The following DEK variants were observed in gnomAD, a reference collection of about 807,000 sequenced individuals.
DEK encodes DEK proto-oncogene.
A neutral mutation model predicts 46.8 loss-of-function variants in DEK; 28 were observed. The ratio of observed to expected loss-of-function variants is 0.60; its 90% confidence interval spans 0.44 to 0.82. The LOEUF (loss-of-function observed/expected upper bound fraction) is 0.82. Ranked by LOEUF, DEK falls within the 40% of genes least tolerant of loss-of-function variation. The pLI, the probability that DEK is intolerant of heterozygous loss-of-function variation, is 0.00. For synonymous variants in DEK, 160 were observed against 144.5 expected, an observed-to-expected ratio of 1.11 and a Z score of -0.77; for missense variants, 416 against 430.6, an observed-to-expected ratio of 0.97 and a Z score of 0.30.
intron 6 of DEK, among the ~76,000 whole-genome samples, chr6:18,251,233 A>G (rs1791363153): frequency 2.0e-5 from 3 of 152,176 alleles, no homozygotes; most frequent in African/African-American, 7.2e-5. Flanking sequence ...TATTTTCTGC[A>G]ATAAGCAGAA....
At chr6:18,237,860 CTTTTTTTTTTT>C (rs60332682) in intron 7 of DEK, among the ~76,000 whole-genome samples, 5 of 88,500 alleles carry the variant, frequency 5.6e-5, no homozygotes, top group East Asian at 3.5e-4. Flanking sequence ...CAACTGGAAT[CTTTTTTTTTTT>C]TTTTTTTTTT....
chr6:18,241,437 A>G (rs1790889263), intron 7 of DEK, among the ~76,000 whole-genome samples: 1 of 152,216 alleles, frequency 6.6e-6, no homozygotes, highest in African/African-American at 2.4e-5. Flanking sequence ...CTAGCTTAAC[A>G]ATTACCTCCT....
chr6:18,257,309 C>G (rs1300644171), intron 4 of DEK, among the ~76,000 whole-genome samples: 1 of 152,096 alleles, frequency 6.6e-6, no homozygotes, highest in Non-Finnish European at 1.5e-5. Context: ...TCGAGAAAAT[C>G]CAAAAACATG....
chr6:18,243,516 C>G (rs1790988581), intron 7 of DEK, among the ~76,000 whole-genome samples: 1 of 152,172 alleles, frequency 6.6e-6, no homozygotes, highest in South Asian at 2.1e-4. Context: ...TCTGGGCACA[C>G]AACTCTAACC....
At chr6:18,226,308 G>A in intron 9 of DEK, 66 bp from the exon 10 acceptor site, 2 of 1,241,510 alleles carry the variant, frequency 1.6e-6, no homozygotes, top group Non-Finnish European at 2.1e-6. Context: ...TATTGTCTTT[G>A]AATAAAAGCA....
Position 18,225,183 on chromosome 6 carries a change from A to T in DEK, c.*536T>A. The T allele has an allele frequency of 4.4e-6, 1 of 225,676 alleles. No individual in the cohort carries two copies. The highest frequency in any genetic ancestry group is 6.4e-5 in the East Asian group (1 of 15,514). 14.0% of individuals were successfully genotyped at this position (225,676 alleles called of 1,614,324 possible). A position where few individuals can be genotyped will look rare whatever the true frequency, so the allele number is the denominator to read the frequency against. ...TTTTGTCATGCTGACAATTTGACAT[A>T]TATACACATGCAGGAGAAAAGTTCC... On this transcript the variant is annotated 3_prime_UTR_variant, in exon 11 of 11. Coordinates refer to ENST00000652689, the MANE Select transcript of DEK (RefSeq NM_003472.4).
intron 2 of DEK, 46 bp downstream of exon 2, chr6:18,263,797 A>C: frequency 2.5e-6 from 4 of 1,610,366 alleles, no homozygotes; most frequent in Non-Finnish European, 3.4e-6. Flanking sequence ...AATACAAAAA[A>C]ACTTCGGTCT....
Position 18,263,996 on chromosome 6 carries a change from C to A in DEK, c.-9G>T, listed in dbSNP as rs200774428. 129 of 1,595,042 alleles carry A rather than the reference C, an allele frequency of 8.1e-5. No homozygotes were observed. In the African/African-American group the frequency reaches 1.5e-3, roughly 19 times the overall value. On this transcript the variant is annotated splice_region_variant and 5_prime_UTR_variant, in exon 2 of 11. Coordinates refer to ENST00000652689, the MANE Select transcript of DEK (RefSeq NM_003472.4). ...GGGGCCGAGGCGGACATGCTGTGAA[C>A]CTGCATGCGGGAAGAAAGCCGGACG...
rs565807102 is a variant in DEK at position 18,224,222 on chromosome 6, A to G, written c.*1497T>C. The G allele has an allele frequency of 5.0e-5, 9 of 178,298 alleles. No homozygotes were observed. The highest frequency in any genetic ancestry group is 8.5e-5 in the Non-Finnish European group (7 of 82,832). 11.0% of individuals were successfully genotyped at this position (178,298 alleles called of 1,614,324 possible). Reference sequence around the variant, plus strand: ...TTATTGACAAGGTTTATAAGAACAAATATTTAAAATCGAAGGCCAATTATT... The same window carrying G: ...TTATTGACAAGGTTTATAAGAACAAGTATTTAAAATCGAAGGCCAATTATT... On this transcript the variant is annotated 3_prime_UTR_variant, in exon 11 of 11. Transcript: ENST00000652689.
Position 18,249,698 on chromosome 6 carries a change from T to C in DEK, c.715A>G (p.Asn239Asp), listed in dbSNP as rs1414780890. The C allele has an allele frequency of 6.2e-7, 1 of 1,604,374 alleles. No individual in the cohort carries two copies. The highest frequency in any genetic ancestry group is 8.5e-7 in the Non-Finnish European group (1 of 1,177,622). ...TCATCATCTGAAGACTCTTCCTTGT[T>C]TTTCTTTTCATCTTCATCACTACTA... Reference protein sequence around the residue: ...ESSSDEDEKKNKEESSDDEDK... With the variant: ...ESSSDEDEKKDKEESSDDEDK... The change falls in exon 7 of 11, where the codon AAC becomes GAC. Residue 239 changes from asparagine to aspartate, a missense_variant. Asn to Asp is a conservative substitution (Grantham distance 23, BLOSUM62 1). Coordinates refer to ENST00000652689, the MANE Select transcript of DEK (RefSeq NM_003472.4).
At chr6:18,264,265 G>C (rs1158514601) in intron 1 of DEK, 120 bp downstream of exon 1, 5 of 218,732 alleles carry the variant, frequency 2.3e-5, no homozygotes, top group East Asian at 2.0e-4. Context: ...GGCCCGGCCC[G>C]AGCTGCCGGC....
At chr6:18,230,240 G>C (rs1790349809) in intron 9 of DEK, among the ~76,000 whole-genome samples, 1 of 152,088 alleles carries the variant, frequency 6.6e-6, no homozygotes, top group Non-Finnish European at 1.5e-5. Context: ...ACTAAACATG[G>C]AAAGGAACAA....
intron 9 of DEK, among the ~76,000 whole-genome samples, chr6:18,235,616 C>T (rs1396237871): frequency 6.6e-6 from 1 of 152,120 alleles, no homozygotes; most frequent in Non-Finnish European, 1.5e-5. Context: ...CTCTTGAAAG[C>T]TAAGTAATGG....
intron 2 of DEK, 88 bp downstream of exon 2, chr6:18,263,755 A>C (rs769243944): frequency 4.1e-5 from 66 of 1,608,672 alleles, no homozygotes; most frequent in Non-Finnish European, 4.8e-5. Flanking sequence ...TCTAAACACC[A>C]AAAGAGCAAG....
chr6:18,251,686 A>T (rs938456119), intron 6 of DEK, among the ~76,000 whole-genome samples: 3 of 152,180 alleles, frequency 2.0e-5, no homozygotes, highest in Middle Eastern at 3.2e-3. Flanking sequence ...CTTTGATAGC[A>T]CCGTTTGGAG....
chr6:18,234,107 T>C (rs1660144945), intron 9 of DEK, among the ~76,000 whole-genome samples: 1 of 150,326 alleles, frequency 6.7e-6, no homozygotes, highest in Non-Finnish European at 1.5e-5. Context: ...AAACACTGCA[T>C]GTTCTCACTC....
chr6:18,234,244 C>T (rs865872964), intron 9 of DEK, among the ~76,000 whole-genome samples: 67 of 150,406 alleles, frequency 4.5e-4, no homozygotes, highest in African/African-American at 1.5e-3. Context: ...TGTAAATGAC[C>T]AGTTAATGGG....
chr6:18,233,518 C>G (rs1288646896), intron 9 of DEK, among the ~76,000 whole-genome samples: 2 of 152,082 alleles, frequency 1.3e-5, no homozygotes, highest in Admixed American at 6.6e-5. Flanking sequence ...TCAAACAACC[C>G]CATCAAAAAG....
chr6:18,238,869 G>A (rs918329551), intron 7 of DEK, among the ~76,000 whole-genome samples: 3 of 151,794 alleles, frequency 2.0e-5, no homozygotes, highest in African/African-American at 7.3e-5. Context: ...TTGACAGAAC[G>A]TTTCTCCAAA....
Sources: gnomAD v4.1 joint callset for allele counts (sites outside exome capture counted in the v4.1 genomes callset) on GRCh38, gnomAD v4.1.1 for gene constraint, MANE v1.5 for transcripts, NCBI Gene and HGNC (gene_info 2026-07-23, HGNC 2026-07-21) for gene names.